Variants in RGS17 observed in about 807,000 individuals in gnomAD.
The protein encoded by RGS17 is regulator of G protein signaling 17.
In RGS17, 12 loss-of-function variants were observed where a neutral mutation model predicts 25.5. That is an observed-to-expected ratio of 0.47 (90% CI 0.30 to 0.76). RGS17 has a LOEUF of 0.76. RGS17 is among the 30% of genes least tolerant of loss of function. RGS17 has a pLI of 0.07. For synonymous variants in RGS17, 71 were observed against 76.9 expected (o/e 0.92, Z 0.40); for missense variants, 196 against 242.2 (o/e 0.81, Z 1.27).
intron 1 of RGS17, among the ~76,000 whole-genome samples, chr6:153,117,209 C>T (rs1379577791): frequency 6.6e-6 from 1 of 152,098 alleles, no homozygotes; most frequent in Non-Finnish European, 1.5e-5. Context: ...GAAGGGGAAG[C>T]AAGCTTGGAC....
At chr6:153,020,520 G>T (rs1779238045) in intron 4 of RGS17, among the ~76,000 whole-genome samples, 1 of 152,008 alleles carries the variant, frequency 6.6e-6, no homozygotes, top group Non-Finnish European at 1.5e-5. Flanking sequence ...TTAAAATAAG[G>T]TAATGTAATT....
At chr6:153,121,369 A>C (rs1464825199) in intron 1 of RGS17, among the ~76,000 whole-genome samples, 1 of 152,134 alleles carries the variant, frequency 6.6e-6, no homozygotes, top group Non-Finnish European at 1.5e-5. Context: ...CTAAAATCTA[A>C]CCAGACTAGA....
chr6:153,106,250 G>A (rs182279130), intron 1 of RGS17, among the ~76,000 whole-genome samples: 23 of 151,894 alleles, frequency 1.5e-4, no homozygotes, highest in South Asian at 6.2e-4. Flanking sequence ...CAATGGAAGC[G>A]GACGTCACTA....
intron 1 of RGS17, among the ~76,000 whole-genome samples, chr6:153,129,746 C>G (rs1354934275): frequency 6.6e-6 from 1 of 152,210 alleles, no homozygotes; most frequent in Non-Finnish European, 1.5e-5. Flanking sequence ...AAAGAAATAA[C>G]TCTGAAGAGT....
chr6:153,090,126 G>A (rs1777105812), intron 1 of RGS17, among the ~76,000 whole-genome samples: 1 of 152,068 alleles, frequency 6.6e-6, no homozygotes. Flanking sequence ...AAACCGATCA[G>A]TTTAGCTAAG....
chr6:153,060,995 G>T (rs1776629609), intron 1 of RGS17, among the ~76,000 whole-genome samples: 1 of 152,112 alleles, frequency 6.6e-6, no homozygotes. Context: ...GAATGAGAAG[G>T]CATCTTTCTA....
rs866258409 is a variant in RGS17, at chr6:153,009,530, C to T, written c.*2044G>A. 1 of 151,784 alleles carries T rather than the reference C, an allele frequency of 6.6e-6. No individual in the cohort carries two copies. The highest frequency in any genetic ancestry group is 1.5e-5 in the Non-Finnish European group (1 of 67,818). 9.4% of individuals were successfully genotyped at this position (151,784 alleles called of 1,614,324 possible). ...TGACTTTTTGTAAACATCTTCATAG[C>T]TATCTTTTTTTCAACATATTACTGA... On this transcript the variant is annotated 3_prime_UTR_variant, in exon 5 of 5. Transcript: ENST00000206262.
intron 1 of RGS17, among the ~76,000 whole-genome samples, chr6:153,086,996 C>T (rs1370759189): frequency 6.6e-6 from 1 of 152,084 alleles, no homozygotes; most frequent in Non-Finnish European, 1.5e-5. Flanking sequence ...AAGAAAAATA[C>T]AAAAGGCCGG....
At chr6:153,029,842 G>C (rs773533236) in intron 2 of RGS17, among the ~76,000 whole-genome samples, 1 of 152,062 alleles carries the variant, frequency 6.6e-6, no homozygotes, top group Non-Finnish European at 1.5e-5. Context: ...ACCCACTTTG[G>C]CCTCCCAAAA....
At position 153,054,018 on chromosome 6, in the gene RGS17, G is replaced by A. The variant is rs9371662; in HGVS notation, c.-25-9975C>T. On this transcript the variant is annotated intron_variant, in intron 1 of 4. Transcript: ENST00000206262. ...TATATATACATATATACGTATATAT[G>A]TATATAATATATATACATATATATG... Among the ~76,000 whole-genome samples the A allele has an allele frequency of 1.6e-3, 35 of 21,346 alleles. 4 individuals carry two copies. Among genetic ancestry groups the A allele is most frequent in the Middle Eastern group, 0.023 (1 of 44 alleles). The allele number at this position is 21,346 out of a possible 152,430, so 14.0% of individuals were successfully genotyped here.
rs572724721 is a variant in RGS17, at chr6:153,087,858, T to C, written c.-26+43266A>G. On this transcript the variant is annotated intron_variant, in intron 1 of 4. Coordinates refer to ENST00000206262, the MANE Select transcript of RGS17 (RefSeq NM_012419.5). ...CTTCTGAGGACCTTGAGATCACCCATAATGATCCCTGCCTTCAAGTATTCC... is the reference window on the plus strand; with the variant it reads ...CTTCTGAGGACCTTGAGATCACCCACAATGATCCCTGCCTTCAAGTATTCC... Among the ~76,000 whole-genome samples the C allele has an allele frequency of 2.0e-5, 3 of 152,318 alleles. No individual in the cohort carries two copies. In the South Asian group the frequency reaches 6.2e-4, roughly 32 times the overall value.
intron 1 of RGS17, among the ~76,000 whole-genome samples, chr6:153,070,321 T>C (rs1776769099): frequency 1.3e-5 from 2 of 152,124 alleles, no homozygotes; most frequent in Non-Finnish European, 1.5e-5. Flanking sequence ...GTTCAGCTTT[T>C]AGCAAAGAAT....
At chr6:153,033,580 T>C (rs140033103) in intron 2 of RGS17, among the ~76,000 whole-genome samples, 1 of 152,108 alleles carries the variant, frequency 6.6e-6, no homozygotes, top group Non-Finnish European at 1.5e-5. Flanking sequence ...TAGTCAGGCA[T>C]AGTGGCGTGC....
intron 1 of RGS17, among the ~76,000 whole-genome samples, chr6:153,115,791 T>C (rs1777535505): frequency 6.6e-6 from 1 of 152,178 alleles, no homozygotes; most frequent in South Asian, 2.1e-4. Context: ...CATCTGATCT[T>C]TGACAAACCT....
intron 1 of RGS17, among the ~76,000 whole-genome samples, chr6:153,120,850 T>A (rs1350391680): frequency 2.2e-5 from 1 of 45,696 alleles, no homozygotes; most frequent in Admixed American, 2.0e-4. Context: ...GGAGACACCT[T>A]TCTTTGTCTG....
chr6:153,020,905 G>C (rs774575195), intron 4 of RGS17, among the ~76,000 whole-genome samples: 2 of 152,198 alleles, frequency 1.3e-5, no homozygotes, highest in Non-Finnish European at 2.9e-5. Flanking sequence ...CTGAGGTTCA[G>C]TGTGGGGACA....
chr6:153,112,217 T>C (rs886755801), intron 1 of RGS17, among the ~76,000 whole-genome samples: 2 of 152,158 alleles, frequency 1.3e-5, no homozygotes, highest in African/African-American at 4.8e-5. Flanking sequence ...ATAACCATTT[T>C]AGAGAAGAAC....
intron 4 of RGS17, among the ~76,000 whole-genome samples, chr6:153,016,492 G>A (rs377111770): frequency 6.6e-6 from 1 of 152,156 alleles, no homozygotes. Context: ...ATTAAATATA[G>A]TGTAAAAGTT....
At chr6:153,092,207 AT>A (rs1777142379) in intron 1 of RGS17, among the ~76,000 whole-genome samples, 1 of 152,248 alleles carries the variant, frequency 6.6e-6, no homozygotes. Flanking sequence ...CTGTGTTCAA[AT>A]TTTACGGGGC....
Sources: allele counts gnomAD v4.1 joint callset (sites outside exome capture counted in the v4.1 genomes callset), GRCh38; gene constraint gnomAD v4.1.1; transcripts MANE v1.5; gene names NCBI Gene and HGNC (gene_info 2026-07-23, HGNC 2026-07-21).